RORA: variants seen among roughly 807,000 people sequenced by gnomAD.
RORA encodes the protein RAR related orphan receptor A.
In RORA, 7 loss-of-function variants were observed where a neutral mutation model predicts 69.5. The observed-to-expected ratio is 0.10, with a 90% CI of 0.06 to 0.19. The LOEUF (loss-of-function observed/expected upper bound fraction) is 0.19, where lower values mean the gene tolerates loss of function less well. RORA is among the 10% of genes least tolerant of loss of function. The pLI is 1.00. For missense variants in RORA, 457 were observed against 663.0 expected, an observed-to-expected ratio of 0.69 and a Z score of 3.41; for synonymous variants, 261 against 240.8, an observed-to-expected ratio of 1.08 and a Z score of -0.78.
intron 1 of RORA, among the ~76,000 whole-genome samples, chr15:60,718,650 G>A (rs2071251641): frequency 6.6e-6 from 1 of 152,130 alleles, no homozygotes; most frequent in Non-Finnish European, 1.5e-5. Context: ...GGAGTAGTGA[G>A]AAATTAATAC....
In RORA at chr15:60,905,587, A is replaced by G. The variant is rs1200164702; in HGVS notation, c.167-226901T>C. Among the ~76,000 whole-genome samples, 1 of 152,264 alleles carries G rather than the reference A, an allele frequency of 6.6e-6. No homozygotes were observed. The highest frequency in any genetic ancestry group is 1.5e-5 in the Non-Finnish European group (1 of 68,046). Reference sequence around the variant, plus strand: ...AAGTAGGTCTGAGGCAAGGGGTAGCATAACTATTATTTCAATTAATAAATA... The same window carrying G: ...AAGTAGGTCTGAGGCAAGGGGTAGCGTAACTATTATTTCAATTAATAAATA... On this transcript the variant is annotated intron_variant, in intron 1 of 10. Transcript: ENST00000335670. The surrounding 1 kb of genome is among the most constrained non-coding windows in gnomAD (Gnocchi z 4.8).
At chr15:60,555,222 C>A (rs1193236722) in intron 2 of RORA, among the ~76,000 whole-genome samples, 1 of 152,142 alleles carries the variant, frequency 6.6e-6, no homozygotes, top group African/African-American at 2.4e-5. Context: ...TTCATTCATG[C>A]CCATTGATTA....
intron 1 of RORA, among the ~76,000 whole-genome samples, chr15:61,094,937 G>A (rs952049465): frequency 2.0e-5 from 3 of 152,226 alleles, no homozygotes; most frequent in African/African-American, 4.8e-5. Flanking sequence ...AGAGAAAAGG[G>A]GAAGAGGATT....
chr15:60,760,345 C>T (rs1466647172), intron 1 of RORA, among the ~76,000 whole-genome samples: 1 of 152,072 alleles, frequency 6.6e-6, no homozygotes, highest in Non-Finnish European at 1.5e-5. Flanking sequence ...GAAAGGATTC[C>T]CTTAGTCTGT....
intron 1 of RORA, among the ~76,000 whole-genome samples, chr15:60,888,770 G>T (rs2073779428): frequency 6.6e-6 from 1 of 152,122 alleles, no homozygotes; most frequent in Non-Finnish European, 1.5e-5. Context: ...ACAGAGAAAA[G>T]CTGTCTGTGC....
chr15:61,202,227 G>C (rs1406239574), intron 1 of RORA, among the ~76,000 whole-genome samples: 7 of 151,964 alleles, frequency 4.6e-5, no homozygotes, highest in African/African-American at 1.7e-4. Flanking sequence ...CATCAGGCTG[G>C]TCTCAAACTC....
chr15:60,848,194 T>C (rs182469439), intron 1 of RORA: 96 of 152,450 alleles, frequency 6.3e-4, no homozygotes, highest in African/African-American at 2.1e-3. Flanking sequence ...GGGAGAAGCC[T>C]TCCCTCACCT....
intron 1 of RORA, among the ~76,000 whole-genome samples, chr15:60,709,687 G>A (rs1042263268): frequency 1.6e-4 from 24 of 151,556 alleles, no homozygotes; most frequent in African/African-American, 5.6e-4. Context: ...CCCCCATATG[G>A]GACCATCTAG....
At chr15:60,813,623 G>C (rs1176454205) in intron 1 of RORA, among the ~76,000 whole-genome samples, 1 of 151,258 alleles carries the variant, frequency 6.6e-6, no homozygotes, top group Non-Finnish European at 1.5e-5. Flanking sequence ...CTTAGCATAC[G>C]TTGTGTGGCT....
At chr15:60,815,986 GTA>G (rs998008054) in intron 1 of RORA, among the ~76,000 whole-genome samples, 1 of 137,998 alleles carries the variant, frequency 7.2e-6, no homozygotes, top group Non-Finnish European at 1.5e-5. Flanking sequence ...ACTATAAATA[GTA>G]TATATATACT....
intron 1 of RORA, among the ~76,000 whole-genome samples, chr15:61,054,785 A>G (rs1222928292): frequency 1.3e-5 from 2 of 150,836 alleles, no homozygotes; most frequent in African/African-American, 4.9e-5. Flanking sequence ...TTTAACTTTC[A>G]TCATGCATTT....
chr15:61,101,022 G>A (rs929294271), intron 1 of RORA, among the ~76,000 whole-genome samples: 3 of 152,222 alleles, frequency 2.0e-5, no homozygotes, highest in African/African-American at 7.2e-5. Flanking sequence ...TAGATAATGT[G>A]CCTTAGCTTG....
intron 2 of RORA, among the ~76,000 whole-genome samples, chr15:60,553,724 G>A (rs1337663893): frequency 2.0e-5 from 3 of 152,162 alleles, no homozygotes; most frequent in African/African-American, 7.2e-5. Context: ...AGGAAGAGGA[G>A]ACAACCCTTA....
intron 1 of RORA, among the ~76,000 whole-genome samples, chr15:61,214,791 C>G (rs996873038): frequency 5.9e-5 from 9 of 152,030 alleles, no homozygotes; most frequent in African/African-American, 2.2e-4. Flanking sequence ...AAACTATCCC[C>G]TGAAGCCAGT....
chr15:61,166,992 G>A (rs919697275), intron 1 of RORA, among the ~76,000 whole-genome samples: 2 of 152,158 alleles, frequency 1.3e-5, no homozygotes, highest in Non-Finnish European at 2.9e-5. Flanking sequence ...TGGAATTACA[G>A]TAGACAATGA....
At position 60,534,735 on chromosome 15, in the gene RORA, T is replaced by C. The variant is rs1695482441; in HGVS notation, c.197-2884A>G. Among the ~76,000 whole-genome samples, 1 of 152,070 alleles carries C rather than the reference T, an allele frequency of 6.6e-6. No homozygotes were observed. Among genetic ancestry groups the C allele is most frequent in the African/African-American group, 2.4e-5 (1 of 41,392 alleles). On this transcript the variant is annotated intron_variant, in intron 2 of 10. Transcript: ENST00000335670. The surrounding 1 kb of genome is among the most constrained non-coding windows in gnomAD (Gnocchi z 5.0). ...AATGCACTTTAGGAAATGACTAAAA[T>C]CCTCCTACTCCAAAAGCAAACCCTC...
At chr15:60,683,390 A>G (rs2070681099) in intron 1 of RORA, among the ~76,000 whole-genome samples, 1 of 152,118 alleles carries the variant, frequency 6.6e-6, no homozygotes, top group Non-Finnish European at 1.5e-5. Context: ...GCCAAACCAC[A>G]TCTTTCCAAG....
chr15:60,765,273 C>A (rs2071969348), intron 1 of RORA: 1 of 152,064 alleles, frequency 6.6e-6, no homozygotes, highest in African/African-American at 2.4e-5. Flanking sequence ...CTCCCAGGAT[C>A]CCCCACCAAA....
chr15:61,065,077 A>G (rs1400218206), intron 1 of RORA, among the ~76,000 whole-genome samples: 3 of 152,222 alleles, frequency 2.0e-5, no homozygotes, highest in Non-Finnish European at 4.4e-5. Context: ...CAATAGTGTT[A>G]TCACTGGAAA....
Sources: gnomAD v4.1 joint callset for allele counts (sites outside exome capture counted in the v4.1 genomes callset) on GRCh38, gnomAD v4.1.1 for gene constraint, Gnocchi (gnomAD v3.1) non-coding constraint, MANE v1.5 for transcripts, NCBI Gene and HGNC (gene_info 2026-07-23, HGNC 2026-07-21) for gene names.